ADAM2: variants seen among roughly 807,000 people sequenced by gnomAD.
ADAM2 encodes ADAM metallopeptidase domain 2.
A neutral mutation model predicts 99.3 loss-of-function variants in ADAM2; 101 were observed. The observed-to-expected ratio is 1.02, with a 90% CI of 0.87 to 1.20. ADAM2 has a LOEUF of 1.20. ADAM2 is among the 50% of genes most tolerant of loss of function. ADAM2 has a pLI of 0.00. For synonymous variants in ADAM2, 323 were observed against 287.6 expected (o/e 1.12, Z -1.25); for missense variants, 948 against 878.7 (o/e 1.08, Z -1.00).
intron 6 of ADAM2, among the ~76,000 whole-genome samples, chr8:39,818,532 T>C (rs138479964): frequency 2.0e-5 from 3 of 151,986 alleles, no homozygotes; most frequent in African/African-American, 4.8e-5. Context: ...AGAACATCTC[T>C]TTTTCACCTA....
chr8:39,823,564 G>T (rs1337187747), intron 4 of ADAM2, among the ~76,000 whole-genome samples: 1 of 151,218 alleles, frequency 6.6e-6, no homozygotes, highest in East Asian at 1.9e-4. Context: ...ATCTTTCATG[G>T]TTACCTCTTG....
chr8:39,765,356 C>T (rs942530702), intron 14 of ADAM2, among the ~76,000 whole-genome samples: 2 of 151,996 alleles, frequency 1.3e-5, no homozygotes, highest in Non-Finnish European at 2.9e-5. Context: ...AAAGAGAAGA[C>T]TCAAATAAAT....
intron 6 of ADAM2, 75 bp downstream of exon 6, chr8:39,820,927 T>C (rs1290036310): frequency 2.1e-6 from 2 of 962,528 alleles, no homozygotes; most frequent in African/African-American, 3.3e-5. Context: ...AAATATGTAA[T>C]TTATCAACTA....
In ADAM2 at chr8:39,771,895, T is replaced by C. The variant is rs931016735; in HGVS notation, c.1029-2320A>G. Among the ~76,000 whole-genome samples the C allele has an allele frequency of 1.3e-4, 20 of 152,002 alleles. No individual in the cohort carries two copies. In the East Asian group the frequency reaches 2.1e-3, roughly 16 times the overall value. Reference sequence around the variant, plus strand: ...ACCATGTGTGAACTGGTTTATAGAGTATACACTTTCTGGTAATGAAATTAA... The same window carrying C: ...ACCATGTGTGAACTGGTTTATAGAGCATACACTTTCTGGTAATGAAATTAA... On this transcript the variant is annotated intron_variant, in intron 11 of 20. Transcript: ENST00000265708.
intron 15 of ADAM2, among the ~76,000 whole-genome samples, chr8:39,759,129 C>T (rs912528388): frequency 1.1e-4 from 17 of 152,048 alleles, no homozygotes; most frequent in Non-Finnish European, 2.9e-5. Context: ...AGTAATTTCA[C>T]AGTTGAAAGA....
chr8:39,835,840 A>G (rs539183457), intron 2 of ADAM2, among the ~76,000 whole-genome samples: 3 of 152,064 alleles, frequency 2.0e-5, no homozygotes, highest in Middle Eastern at 3.4e-3. Context: ...AATACTGTTA[A>G]TTCATTACAG....
chr8:39,826,877 A>G (rs1805427930), intron 3 of ADAM2, among the ~76,000 whole-genome samples: 1 of 152,130 alleles, frequency 6.6e-6, no homozygotes, highest in Non-Finnish European at 1.5e-5. Flanking sequence ...TAACAAAACC[A>G]AAACTAGACA....
At chr8:39,799,651 A>G (rs1020159320) in intron 7 of ADAM2, among the ~76,000 whole-genome samples, 1 of 152,160 alleles carries the variant, frequency 6.6e-6, no homozygotes, top group Non-Finnish European at 1.5e-5. Flanking sequence ...GTCTCCCACT[A>G]TTATTGTGTG....
Position 39,788,264 on chromosome 8 carries a change from A to G in ADAM2, c.643-13T>C. ...ATGAAACAAAAATCTAAAATAGAAAACATACAAAAGTGTGCTCAAAAGTCA... is the reference window on the plus strand; with the variant it reads ...ATGAAACAAAAATCTAAAATAGAAAGCATACAAAAGTGTGCTCAAAAGTCA... On this transcript the variant is annotated splice_polypyrimidine_tract_variant and intron_variant, in intron 8 of 20. Coordinates refer to ENST00000265708, the MANE Select transcript of ADAM2 (RefSeq NM_001464.5). 6.8e-7 allele frequency: 1 copy of G among 1,477,272 alleles called. No individual in the cohort carries two copies. The highest frequency in any genetic ancestry group is 9.1e-7 in the Non-Finnish European group (1 of 1,101,088). The allele number at this position is 1,477,272 out of a possible 1,614,324, so 91.5% of individuals were successfully genotyped here.
At position 39,821,721 on chromosome 8, in the gene ADAM2, C is replaced by A. The variant is rs566847738; in HGVS notation, c.268-59G>T. On this transcript the variant is annotated intron_variant, in intron 4 of 20. Transcript: ENST00000265708. Reference sequence around the variant, plus strand: ...TGGTTTGTGTTACAGATACAATTTTCAAATATGTAAAACATATATGTGTTT... The same window carrying A: ...TGGTTTGTGTTACAGATACAATTTTAAAATATGTAAAACATATATGTGTTT... The A allele has an allele frequency of 4.2e-6, 5 of 1,184,766 alleles. No individual in the cohort carries two copies. In the African/African-American group the frequency reaches 7.6e-5, roughly 18 times the overall value. 73.4% of individuals were successfully genotyped at this position (1,184,766 alleles called of 1,614,324 possible). A position where few individuals can be genotyped will look rare whatever the true frequency, so the allele number is the denominator to read the frequency against.
intron 3 of ADAM2, 84 bp from the exon 4 acceptor site, chr8:39,824,981 G>T (rs1443736441): frequency 4.5e-6 from 3 of 669,776 alleles, no homozygotes; most frequent in Admixed American, 2.8e-5. Flanking sequence ...AGACAGGTAG[G>T]TTGACACAGA....
chr8:39,746,995 G>C (rs569032926), intron 18 of ADAM2, among the ~76,000 whole-genome samples: 6 of 152,188 alleles, frequency 3.9e-5, no homozygotes, highest in Admixed American at 3.9e-4. Context: ...ACTGTTTTCT[G>C]AAAATAATAT....
At position 39,786,940 on chromosome 8, in the gene ADAM2, T is replaced by C. The variant is rs200330332; in HGVS notation, c.891+34A>G. ...AAATGTGTAACTGTATACTAATTTA[T>C]GTAGCATACTTTCTATACATAACCA... On this transcript the variant is annotated intron_variant, in intron 10 of 20. Transcript: ENST00000265708. 4 of 1,429,812 alleles carry C rather than the reference T, an allele frequency of 2.8e-6. No individual in the cohort carries two copies. In the African/African-American group the frequency reaches 4.3e-5, roughly 15 times the overall value. The allele number at this position is 1,429,812 out of a possible 1,614,324, so 88.6% of individuals were successfully genotyped here.
chr8:39,755,789 C>T lies in ADAM2; in HGVS notation c.1736G>A (p.Ser579Asn), dbSNP rs755547832. The change falls in exon 16 of 21, where the codon AGT becomes AAT. Residue 579 changes from serine to asparagine, a missense_variant. Ser to Asn is a conservative substitution (Grantham distance 46, BLOSUM62 1). Transcript: ENST00000265708. The part of the protein sequence containing the change: ...GHLCIAVEFA[S>N]DHADSQKMWI... ...CATCTTTTGGCTGTCTGCATGATCA[C>T]TGGCAAATTCCACAGCAATGCAGAG... The T allele has an allele frequency of 2.5e-6, 4 of 1,613,414 alleles. No homozygotes were observed. The highest frequency in any genetic ancestry group is 1.6e-4 in the Middle Eastern group (1 of 6,076).
intron 6 of ADAM2, among the ~76,000 whole-genome samples, chr8:39,819,939 C>T (rs542112286): frequency 1.2e-4 from 19 of 152,162 alleles, no homozygotes; most frequent in Middle Eastern, 3.4e-3. Flanking sequence ...GAATCTTAAG[C>T]GGACATCTTC....
At chr8:39,821,476 C>A in intron 5 of ADAM2, 110 bp downstream of exon 5, 1 of 837,918 alleles carries the variant, frequency 1.2e-6, no homozygotes, top group South Asian at 1.9e-5. Context: ...TGGCAGTTTT[C>A]CACAATAGTC....
chr8:39,821,459 T>C, intron 5 of ADAM2, 127 bp downstream of exon 5: 1 of 701,186 alleles, frequency 1.4e-6, no homozygotes, highest in Non-Finnish European at 2.3e-6. Context: ...ATACCATGCT[T>C]TGTGAGTGGC....
intron 11 of ADAM2, 103 bp downstream of exon 11, chr8:39,776,922 C>G: frequency 1.4e-6 from 1 of 735,292 alleles, no homozygotes; most frequent in Non-Finnish European, 2.2e-6. Context: ...TCCTCAGTCA[C>G]AGCTGATCGC....
chr8:39,788,039 T>A (rs770412819), intron 9 of ADAM2, 46 bp downstream of exon 9: 2 of 1,280,260 alleles, frequency 1.6e-6, no homozygotes, highest in Non-Finnish European at 2.0e-6. Context: ...TCAAATTGCA[T>A]AAATTTTCTT....
Sources: allele counts gnomAD v4.1 joint callset (sites outside exome capture counted in the v4.1 genomes callset), GRCh38; gene constraint gnomAD v4.1.1; transcripts MANE v1.5; gene names NCBI Gene and HGNC (gene_info 2026-07-23, HGNC 2026-07-21).